PABIR3: variants seen among roughly 807,000 people sequenced by gnomAD.
PABIR3 encodes PABIR family member 1.
PABIR3 carries 20 observed loss-of-function variants against 23.1 expected under a neutral mutation model. The observed-to-expected ratio is 0.86, with a 90% confidence interval of 0.61 to 1.26. The LOEUF is 1.26. Ranked by LOEUF, PABIR3 falls within the 50% of genes most tolerant of loss-of-function variation. The pLI is 0.00. For synonymous variants in PABIR3, 69 were observed against 68.5 expected, an observed-to-expected ratio of 1.01 and a Z score of -0.04; for missense variants, 189 against 195.4, an observed-to-expected ratio of 0.97 and a Z score of 0.20.
At chrX:134,807,096 G>A (rs1481365293), upstream of PABIR3, 1 of 718,693 alleles carries the variant, frequency 1.4e-6, no homozygotes, top group Non-Finnish European at 1.6e-6. Flanking sequence ...AACTGCGCGT[G>A]CGCCCCTGGC....
chrX:134,810,160 C>G, intron 2 of PABIR3: 1 of 753,886 alleles, frequency 1.3e-6, no homozygotes, highest in South Asian at 6.7e-5. Flanking sequence ...CTGGAAGGAA[C>G]CTGTGGATCC....
intron 4 of PABIR3, chrX:134,831,715 C>T (rs1244886409): frequency 9.0e-6 from 1 of 111,398 alleles, no homozygotes; most frequent in Non-Finnish European, 1.9e-5. Flanking sequence ...AGTATCCATC[C>T]CTTCAAGCAT....
chrX:134,843,468 C>T (rs1214210187), intron 4 of PABIR3, among the ~76,000 whole-genome samples: 2 of 108,297 alleles, frequency 1.8e-5, no homozygotes, highest in Admixed American at 9.9e-5. Context: ...GTTTTCTAAA[C>T]ATCATTTGTT....
intron 4 of PABIR3, chrX:134,835,217 C>T (rs1474845439): frequency 9.2e-6 from 1 of 108,305 alleles, no homozygotes; most frequent in African/African-American, 3.4e-5. Flanking sequence ...CCCACCACCC[C>T]ACCCAGCTAA....
chrX:134,859,504 T>C (rs1030616684), downstream of PABIR3, among the ~76,000 whole-genome samples: 7 of 111,260 alleles, frequency 6.3e-5, no homozygotes, highest in Non-Finnish European at 9.4e-5. Flanking sequence ...TAATAACAAG[T>C]TCCCCCTGAC....
intron 3 of PABIR3, among the ~76,000 whole-genome samples, chrX:134,828,033 C>CTA (rs1363732617): frequency 5.8e-5 from 4 of 69,529 alleles, no homozygotes; most frequent in Middle Eastern, 6.9e-3. Flanking sequence ...CTCTCTCTCT[C>CTA]TCTCTCTCTC....
intron 3 of PABIR3, among the ~76,000 whole-genome samples, chrX:134,818,945 T>A (rs956730503): frequency 2.0e-5 from 2 of 102,135 alleles, no homozygotes; most frequent in African/African-American, 7.2e-5. Flanking sequence ...TTTTTTTTTT[T>A]TTTTTTTTTT....
Position 134,807,344 on chromosome X carries a change from G to A in PABIR3, c.-60+3G>A, listed in dbSNP as rs771374040. The A allele has an allele frequency of 2.1e-6, 2 of 954,974 alleles. No individual in the cohort carries two copies. The highest frequency in any genetic ancestry group is 1.0e-4 in the South Asian group (2 of 19,487). The allele number at this position is 954,974 out of a possible 1,213,427, so 78.7% of individuals were successfully genotyped here. On this transcript the variant is annotated splice_donor_region_variant and intron_variant, in intron 1 of 10. Transcript: ENST00000645433. ...CCAGTTACATTATAGACTTGGAGGT[G>A]GGGGATCTTCTCATCGTTAGAGGCC... is the stretch of plus-strand genomic sequence containing the variant.
At chrX:134,826,081 G>A (rs928195356) in intron 3 of PABIR3, among the ~76,000 whole-genome samples, 1 of 110,699 alleles carries the variant, frequency 9.0e-6, no homozygotes, top group Admixed American at 9.7e-5. Context: ...GTGCTATTAG[G>A]TGTAACCTGC....
At chrX:134,805,758 G>A (rs1293336109), upstream of PABIR3, among the ~76,000 whole-genome samples, 2 of 111,290 alleles carry the variant, frequency 1.8e-5, no homozygotes, top group Non-Finnish European at 3.8e-5. Flanking sequence ...TTAGCTGGGA[G>A]TGGTGGCACA....
chrX:134,807,906 CCCTGAGGTTGACAAACATCTGAAT>C (rs1174574560), intron 2 of PABIR3, among the ~76,000 whole-genome samples, 198 bp downstream of exon 2: 1 of 111,303 alleles, frequency 9.0e-6, no homozygotes, highest in Non-Finnish European at 1.9e-5. Context: ...CGCGCACCCA[CCCTGAGGTTGACAAACATCTGAAT>C]CTGAACATCC....
intron 3 of PABIR3, among the ~76,000 whole-genome samples, chrX:134,828,354 G>A (rs1789244241): frequency 9.0e-6 from 1 of 111,062 alleles, no homozygotes; most frequent in Admixed American, 9.7e-5. Flanking sequence ...GCCTCCCAAA[G>A]TGCTGGGAAT....
At chrX:134,860,441 T>A in the PABIR3 span, among the ~76,000 whole-genome samples, 311 of 111,461 alleles carry the variant, frequency 2.8e-3, no homozygotes, top group Middle Eastern at 9.2e-3. Context: ...CAGAAATTTT[T>A]AAAATTTTAA....
intron 4 of PABIR3, among the ~76,000 whole-genome samples, chrX:134,833,868 T>G (rs1315849886): frequency 8.9e-6 from 1 of 112,207 alleles, no homozygotes; most frequent in Non-Finnish European, 1.9e-5. Flanking sequence ...TATGACTGCA[T>G]AGTATTCCAT....
At chrX:134,804,992 T>C (rs2080169204), upstream of PABIR3, among the ~76,000 whole-genome samples, 1 of 112,933 alleles carries the variant, frequency 8.9e-6, no homozygotes, top group Non-Finnish European at 1.9e-5. Flanking sequence ...AACTGTAAAA[T>C]AGAAATGATT....
intron 4 of PABIR3, among the ~76,000 whole-genome samples, chrX:134,832,230 G>A (rs918615693): frequency 2.0e-4 from 22 of 107,623 alleles, no homozygotes; most frequent in African/African-American, 7.1e-4. Context: ...AGCCGAGATC[G>A]CGCCACTGCA....
intron 3 of PABIR3, among the ~76,000 whole-genome samples, chrX:134,827,404 C>T (rs2081554607): frequency 9.0e-6 from 1 of 111,006 alleles, no homozygotes; most frequent in Non-Finnish European, 1.9e-5. Flanking sequence ...GGTCATTTCT[C>T]CAATCTACCT....
intron 4 of PABIR3, among the ~76,000 whole-genome samples, chrX:134,840,805 C>A (rs946712833): frequency 7.2e-5 from 8 of 110,499 alleles, no homozygotes; most frequent in African/African-American, 2.6e-4. Context: ...TCAGTTTCAG[C>A]CAAGGTAGTC....
At chrX:134,825,537 G>A (rs1259543834) in intron 3 of PABIR3, among the ~76,000 whole-genome samples, 23 of 111,989 alleles carry the variant, frequency 2.1e-4, no homozygotes, top group Non-Finnish European at 7.5e-5. Context: ...TCTGACTTTT[G>A]TTAGAAGGGT....
Sources: gnomAD v4.1 joint callset for allele counts (sites outside exome capture counted in the v4.1 genomes callset) on GRCh38, gnomAD v4.1.1 for gene constraint, MANE v1.5 for transcripts, NCBI Gene and HGNC (gene_info 2026-07-23, HGNC 2026-07-21) for gene names.